Variants in IL1RAP observed in about 807,000 individuals in gnomAD.
IL1RAP encodes the protein interleukin 1 receptor accessory protein.
In IL1RAP, 35 loss-of-function variants were observed where a neutral mutation model predicts 60.7. The observed-to-expected ratio is 0.58, with a 90% confidence interval of 0.44 to 0.76. The LOEUF is 0.76. IL1RAP is among the 30% of genes least tolerant of loss of function. The pLI, the probability that IL1RAP is intolerant of heterozygous loss-of-function variation, is 0.00. For synonymous variants in IL1RAP, 268 were observed against 250.9 expected, an observed-to-expected ratio of 1.07 and a Z score of -0.64; for missense variants, 572 against 693.9, an observed-to-expected ratio of 0.82 and a Z score of 1.97.
intron 3 of IL1RAP, among the ~76,000 whole-genome samples, chr3:190,589,896 T>C (rs1310485254): frequency 6.6e-6 from 1 of 152,138 alleles, no homozygotes; most frequent in Non-Finnish European, 1.5e-5. Context: ...AGAAGAGAGT[T>C]CATGCTCAGA....
chr3:190,599,489 C>CTT (rs368207835), intron 3 of IL1RAP, among the ~76,000 whole-genome samples: 7 of 146,038 alleles, frequency 4.8e-5, no homozygotes, highest in Admixed American at 2.0e-4. Context: ...CGTAAAGTGA[C>CTT]TTTTTTTTTT....
At position 190,620,266 on chromosome 3, in the gene IL1RAP, T is replaced by G. The variant is rs1731663966; in HGVS notation, c.538-9T>G. On this transcript the variant is annotated splice_polypyrimidine_tract_variant and intron_variant, in intron 5 of 11. Transcript: ENST00000447382. Reference sequence around the variant, plus strand: ...AAAAGTAAACTTTTTTTTTTTTTACTTTTTCTAGGGCTGTTATAAAATACA... The same window carrying G: ...AAAAGTAAACTTTTTTTTTTTTTACGTTTTCTAGGGCTGTTATAAAATACA... 1 of 1,437,222 alleles carries G rather than the reference T, an allele frequency of 7.0e-7. No individual in the cohort carries two copies. The highest frequency in any genetic ancestry group is 2.3e-5 in the East Asian group (1 of 43,294). The allele number at this position is 1,437,222 out of a possible 1,614,324, so 89.0% of individuals were successfully genotyped here. A position where few individuals can be genotyped will look rare whatever the true frequency, so the allele number is the denominator to read the frequency against.
In IL1RAP at chr3:190,514,140, G is replaced by A. The variant is rs947231060; in HGVS notation, c.-168G>A. ...GTCTCCGGGGTCCGCTTTGGCCAGAGGCGCGGAAGGAAGCAGTGCCCGGCG... is the reference window on the plus strand; with the variant it reads ...GTCTCCGGGGTCCGCTTTGGCCAGAAGCGCGGAAGGAAGCAGTGCCCGGCG... On this transcript the variant is annotated 5_prime_UTR_variant, in exon 1 of 12. Coordinates refer to ENST00000447382, the MANE Select transcript of IL1RAP (RefSeq NM_002182.4). 1.3e-5 allele frequency: 2 copies of A among 152,292 alleles called. No individual in the cohort carries two copies. Among genetic ancestry groups the A allele is most frequent in the East Asian group, 3.9e-4 (2 of 5,166 alleles). The allele number at this position is 152,292 out of a possible 1,614,324, so 9.4% of individuals were successfully genotyped here. A position where few individuals can be genotyped will look rare whatever the true frequency, so the allele number is the denominator to read the frequency against.
intron 3 of IL1RAP, among the ~76,000 whole-genome samples, chr3:190,603,303 T>A (rs1406665888): frequency 6.6e-6 from 1 of 152,218 alleles, no homozygotes; most frequent in Non-Finnish European, 1.5e-5. Context: ...TCAGAAGGAA[T>A]TTAAAGAATT....
intron 9 of IL1RAP, chr3:190,630,015 CATT>C (rs1312309279): frequency 2.4e-6 from 2 of 837,526 alleles, no homozygotes; most frequent in African/African-American, 3.7e-5. Flanking sequence ...AGTTGTAAAA[CATT>C]ATTAATAGCA....
chr3:190,514,920 C>A (rs1220813627), intron 1 of IL1RAP, among the ~76,000 whole-genome samples: 6 of 152,210 alleles, frequency 3.9e-5, no homozygotes, highest in Non-Finnish European at 7.3e-5. Context: ...AGAGCCCCTT[C>A]CCTCTTCTAA....
At chr3:190,622,474 C>T (rs1203475363) in intron 6 of IL1RAP, among the ~76,000 whole-genome samples, 8 of 152,078 alleles carry the variant, frequency 5.3e-5, no homozygotes, top group Non-Finnish European at 1.2e-4. Flanking sequence ...TGCCCCACCC[C>T]CTACTTTAGA....
At chr3:190,629,734 G>C (rs1024946) in intron 9 of IL1RAP, 62 of 1,217,818 alleles carry the variant, frequency 5.1e-5, no homozygotes, top group Admixed American at 2.1e-4. Flanking sequence ...TAAAAAAATC[G>C]ACGTGAGTAC....
chr3:190,632,548 C>T (rs1325546822), intron 9 of IL1RAP, among the ~76,000 whole-genome samples: 2 of 152,040 alleles, frequency 1.3e-5, no homozygotes, highest in African/African-American at 2.4e-5. Context: ...ATATTATCAC[C>T]CAGTTTGTGA....
At chr3:190,581,407 CT>C (rs1294815898) in intron 3 of IL1RAP, among the ~76,000 whole-genome samples, 1 of 152,190 alleles carries the variant, frequency 6.6e-6, no homozygotes, top group Non-Finnish European at 1.5e-5. Context: ...AAACCACACA[CT>C]TGGCAGGTAG....
intron 9 of IL1RAP, among the ~76,000 whole-genome samples, chr3:190,640,672 G>A (rs1003306570): frequency 1.3e-5 from 2 of 152,098 alleles, no homozygotes; most frequent in African/African-American, 4.8e-5. Context: ...TAAAGATGAC[G>A]GAAATCACTC....
intron 3 of IL1RAP, among the ~76,000 whole-genome samples, chr3:190,582,097 C>A (rs748341177): frequency 1.3e-5 from 2 of 152,200 alleles, no homozygotes; most frequent in African/African-American, 2.4e-5. Context: ...CTCTCAGAAT[C>A]TGTTTCCACA....
At chr3:190,590,008 C>T (rs1342025854) in intron 3 of IL1RAP, among the ~76,000 whole-genome samples, 1 of 152,168 alleles carries the variant, frequency 6.6e-6, no homozygotes. Flanking sequence ...CATAATAATT[C>T]CTTTCTCTGC....
rs1267181975 is a variant in IL1RAP, at chr3:190,630,085, A to G, written c.1051+587A>G. The G allele has an allele frequency of 2.3e-5, 18 of 772,380 alleles. No individual in the cohort carries two copies. The South Asian group carries it at 3.6e-4, about 15-fold the overall frequency. 47.8% of individuals were successfully genotyped at this position (772,380 alleles called of 1,614,324 possible). On this transcript the variant is annotated intron_variant, in intron 9 of 11. Coordinates refer to ENST00000447382, the MANE Select transcript of IL1RAP (RefSeq NM_002182.4). ...TTGAATGTTTATTTTCCAAAAATGC[A>G]TAATTATAATATTATTTTAAACACT... is the stretch of plus-strand genomic sequence containing the variant.
At chr3:190,641,811 A>G (rs1311719569) in intron 9 of IL1RAP, among the ~76,000 whole-genome samples, 1 of 152,188 alleles carries the variant, frequency 6.6e-6, no homozygotes, top group African/African-American at 2.4e-5. Flanking sequence ...ACCCTGTTGT[A>G]CTGTTAACAT....
chr3:190,611,019 A>G (rs6793204), intron 5 of IL1RAP, among the ~76,000 whole-genome samples: 100,061 of 152,098 alleles, frequency 0.66, 34,002 homozygotes, highest in East Asian at 0.82. Flanking sequence ...AAGGAGAATA[A>G]TCAAGTATTC....
chr3:190,645,920 G>A lies in IL1RAP; in HGVS notation c.1345+78G>A, dbSNP rs148276033. On this transcript the variant is annotated intron_variant, in intron 11 of 11. Transcript: ENST00000447382. ...CATTAGTTTTGCATTATGGGAGAGA[G>A]TCATGGCACAGCATCTTTGGATATT... 1.3e-4 allele frequency: 163 copies of A among 1,235,792 alleles called. No individual in the cohort carries two copies. The Middle Eastern group carries it at 1.4e-3, about 10-fold the overall frequency. The allele number at this position is 1,235,792 out of a possible 1,614,324, so 76.6% of individuals were successfully genotyped here.
At chr3:190,589,708 TA>T (rs1448045862) in intron 3 of IL1RAP, among the ~76,000 whole-genome samples, 2 of 152,300 alleles carry the variant, frequency 1.3e-5, no homozygotes, top group African/African-American at 4.8e-5. Flanking sequence ...AGAAAGCTCC[TA>T]ATTGAAAGTT....
intron 3 of IL1RAP, among the ~76,000 whole-genome samples, chr3:190,573,265 A>T (rs1182315832): frequency 6.6e-6 from 1 of 152,166 alleles, no homozygotes; most frequent in Non-Finnish European, 1.5e-5. Flanking sequence ...GGCGGGCAAA[A>T]GTGTAAGACT....
Sources: gnomAD v4.1 joint callset for allele counts (sites outside exome capture counted in the v4.1 genomes callset) on GRCh38, gnomAD v4.1.1 for gene constraint, MANE v1.5 for transcripts, NCBI Gene and HGNC (gene_info 2026-07-23, HGNC 2026-07-21) for gene names.